RFTN1: variants seen among roughly 807,000 people sequenced by gnomAD.
The protein encoded by RFTN1 is raftlin.
In RFTN1, 26 loss-of-function variants were observed where a neutral mutation model predicts 46.5. That is an observed-to-expected ratio of 0.56 (90% CI 0.41 to 0.78). RFTN1 has a LOEUF of 0.78. Among genes scored for constraint, RFTN1 ranks in the 30% least tolerant of loss-of-function variants. The probability of loss-of-function intolerance (pLI) is 0.00; values close to 1 mark genes in which losing one functional copy is unlikely to be tolerated. For missense variants in RFTN1, 693 were observed against 718.7 expected, an observed-to-expected ratio of 0.96 and a Z score of 0.41; for synonymous variants, 261 against 284.2, an observed-to-expected ratio of 0.92 and a Z score of 0.82.
In RFTN1 at chr3:16,400,326, T is replaced by C. The variant is rs113768426; in HGVS notation, c.441+9049A>G. ...CCCACCACCTCCACCCTCCCTCCCCTGTTGACCCTCAGGTCTTGGTATGTA... is the reference window on the plus strand; with the variant it reads ...CCCACCACCTCCACCCTCCCTCCCCCGTTGACCCTCAGGTCTTGGTATGTA... On this transcript the variant is annotated intron_variant, in intron 4 of 9. Transcript: ENST00000334133. The surrounding 1 kb of genome is among the most constrained non-coding windows in gnomAD (Gnocchi z 4.5). Among the ~76,000 whole-genome samples, 3,482 of 152,212 alleles carry C rather than the reference T, an allele frequency of 0.023. 138 individuals are homozygous for C. The highest frequency in any genetic ancestry group is 0.079 in the African/African-American group (3,284 of 41,540).
rs957089258 is a variant in RFTN1, at chr3:16,407,399, C to T, written c.441+1976G>A. 6.6e-6 allele frequency among the ~76,000 whole-genome samples: 1 copy of T among 151,686 alleles called. No individual in the cohort carries two copies. Among genetic ancestry groups the T allele is most frequent in the African/African-American group, 2.4e-5 (1 of 41,262 alleles). On this transcript the variant is annotated intron_variant, in intron 4 of 9. Transcript: ENST00000334133. The surrounding 1 kb of genome is among the most constrained non-coding windows in gnomAD (Gnocchi z 4.0). ...CAGAGATGGAGGTCTCACTATGTTG[C>T]CCAGTCTAATCTCAAACTCCTGAGC...
At chr3:16,411,397 G>A (rs372634062) in intron 3 of RFTN1, among the ~76,000 whole-genome samples, 5 of 152,266 alleles carry the variant, frequency 3.3e-5, no homozygotes, top group South Asian at 4.1e-4. Context: ...CCCCAGGTGT[G>A]CAACTGTGAT....
chr3:16,343,998 G>A (rs2071480783), intron 7 of RFTN1, among the ~76,000 whole-genome samples: 1 of 152,202 alleles, frequency 6.6e-6, no homozygotes, highest in Non-Finnish European at 1.5e-5. Flanking sequence ...TCAGCAGAGA[G>A]TGAGCAACCA....
rs10560544 is a variant in RFTN1 at position 16,465,419 on chromosome 3, GACACACACACACAC to G, written c.145+28292_145+28305del. Among the ~76,000 whole-genome samples the G allele has an allele frequency of 1.4e-5, 2 of 143,294 alleles. No individual in the cohort carries two copies. The highest frequency in any genetic ancestry group is 2.6e-5 in the African/African-American group (1 of 39,168). The allele number at this position is 143,294 out of a possible 152,430, so 94.0% of individuals were successfully genotyped here. On this transcript the variant is annotated intron_variant, in intron 2 of 9. Transcript: ENST00000334133. The surrounding 1 kb of genome is among the most constrained non-coding windows in gnomAD (Gnocchi z 5.1). ...CCAACAGAGGTTGGCAGCTCAGAGGGACACACACACACACACACACACACACACACACACACCCC... is the reference window on the plus strand; with the variant it reads ...CCAACAGAGGTTGGCAGCTCAGAGGGACACACACACACACACACACACCCC...
In RFTN1 at chr3:16,424,649, C is replaced by A. The variant is rs2125476180; in HGVS notation, c.332+9202G>T. Among the ~76,000 whole-genome samples, 1 of 152,274 alleles carries A rather than the reference C, an allele frequency of 6.6e-6. No homozygotes were observed. The highest frequency in any genetic ancestry group is 2.1e-4 in the South Asian group (1 of 4,822). On this transcript the variant is annotated intron_variant, in intron 3 of 9. Transcript: ENST00000334133. The surrounding 1 kb of genome is among the most constrained non-coding windows in gnomAD (Gnocchi z 4.7). Reference sequence around the variant, plus strand: ...TGAAATGATGTATTCATATTTATAGCATATTTATCATATTTTCATATACTT... The same window carrying A: ...TGAAATGATGTATTCATATTTATAGAATATTTATCATATTTTCATATACTT...
At chr3:16,439,069 T>C (rs774543813) in intron 2 of RFTN1, among the ~76,000 whole-genome samples, 29 of 152,206 alleles carry the variant, frequency 1.9e-4, no homozygotes, top group Non-Finnish European at 4.0e-4. Flanking sequence ...ATTTTTGGTA[T>C]GCATGCTGTC....
chr3:16,486,951 T>G (rs535280833), intron 2 of RFTN1, among the ~76,000 whole-genome samples: 9 of 152,188 alleles, frequency 5.9e-5, no homozygotes, highest in Non-Finnish European at 8.8e-5. Context: ...TGTTCTCTCT[T>G]TCTCACTCTC....
At chr3:16,363,913 A>G (rs571269) in intron 6 of RFTN1, among the ~76,000 whole-genome samples, 85,532 of 152,106 alleles carry the variant, frequency 0.56, 24,343 homozygotes, top group Middle Eastern at 0.65. Flanking sequence ...TGCACATGCA[A>G]TCATATGACA....
chr3:16,388,524 C>T (rs1559315764), intron 4 of RFTN1, among the ~76,000 whole-genome samples: 3 of 152,158 alleles, frequency 2.0e-5, no homozygotes, highest in Admixed American at 1.3e-4. Flanking sequence ...TTTGCTACTC[C>T]TATCATCTTA....
chr3:16,444,845 C>T (rs958751462), intron 2 of RFTN1, among the ~76,000 whole-genome samples: 3 of 152,158 alleles, frequency 2.0e-5, no homozygotes, highest in Admixed American at 1.3e-4. Flanking sequence ...CACCATCACT[C>T]GCTGTTTTAC....
intron 4 of RFTN1, among the ~76,000 whole-genome samples, chr3:16,392,967 C>T (rs1001661159): frequency 3.3e-5 from 5 of 152,108 alleles, no homozygotes; most frequent in African/African-American, 1.2e-4. Context: ...ATTCTGAGGC[C>T]CTGCAAGCCT....
intron 4 of RFTN1, among the ~76,000 whole-genome samples, chr3:16,397,215 G>C (rs2074489730): frequency 6.6e-6 from 1 of 152,068 alleles, no homozygotes; most frequent in Admixed American, 6.5e-5. Context: ...GATAAACCTA[G>C]AGGACATTAT....
chr3:16,450,509 G>A lies in RFTN1; in HGVS notation c.146-16472C>T, dbSNP rs2075805906. ...ATGACCTGAAGTCCACCAGCATCCTGTTCAGGTTAACATGTCTCCCATGTC... is the reference window on the plus strand; with the variant it reads ...ATGACCTGAAGTCCACCAGCATCCTATTCAGGTTAACATGTCTCCCATGTC... On this transcript the variant is annotated intron_variant, in intron 2 of 9. Coordinates refer to ENST00000334133, the MANE Select transcript of RFTN1 (RefSeq NM_015150.2). This position sits in a 1 kb window ranked among gnomAD's most constrained non-coding sequence, Gnocchi z 4.6. 6.6e-6 allele frequency among the ~76,000 whole-genome samples: 1 copy of A among 152,190 alleles called. No homozygotes were observed. Among genetic ancestry groups the A allele is most frequent in the Non-Finnish European group, 1.5e-5 (1 of 68,036 alleles).
In RFTN1 at chr3:16,338,569, T is replaced by C. The variant is rs959987409; in HGVS notation, c.1147-11693A>G. On this transcript the variant is annotated intron_variant, in intron 7 of 9. Coordinates refer to ENST00000334133, the MANE Select transcript of RFTN1 (RefSeq NM_015150.2). This position sits in a 1 kb window ranked among gnomAD's most constrained non-coding sequence, Gnocchi z 5.3. The stretch of plus-strand genomic sequence containing the variant: ...CCAACTTAGAAATAGCTTTGTTTGA[T>C]AACAATTAAAAAAGAAACATTTTCT... Among the ~76,000 whole-genome samples the C allele has an allele frequency of 6.6e-6, 1 of 152,216 alleles. No homozygotes were observed. Among genetic ancestry groups the C allele is most frequent in the Non-Finnish European group, 1.5e-5 (1 of 68,034 alleles).
In RFTN1 at chr3:16,425,304, A is replaced by G. The variant is rs116695850; in HGVS notation, c.332+8547T>C. Among the ~76,000 whole-genome samples, 5 of 152,304 alleles carry G rather than the reference A, an allele frequency of 3.3e-5. No homozygotes were observed. Among genetic ancestry groups the G allele is most frequent in the Admixed American group, 1.3e-4 (2 of 15,306 alleles). On this transcript the variant is annotated intron_variant, in intron 3 of 9. Coordinates refer to ENST00000334133, the MANE Select transcript of RFTN1 (RefSeq NM_015150.2). This position sits in a 1 kb window ranked among gnomAD's most constrained non-coding sequence, Gnocchi z 4.3. Reference sequence around the variant, plus strand: ...ATTTAAAAACAAATACAGACATTTCATGGTACTGAAGTATTCACCCAAGTT... The same window carrying G: ...ATTTAAAAACAAATACAGACATTTCGTGGTACTGAAGTATTCACCCAAGTT...
At chr3:16,508,281 C>G (rs777870551) in intron 1 of RFTN1, among the ~76,000 whole-genome samples, 4 of 152,150 alleles carry the variant, frequency 2.6e-5, no homozygotes, top group African/African-American at 9.7e-5. Context: ...ATCCCTGCAC[C>G]CCGGAGGCAG....
At position 16,381,765 on chromosome 3, in the gene RFTN1, T is replaced by A. The variant is rs2074000981; in HGVS notation, c.442-3663A>T. On this transcript the variant is annotated intron_variant, in intron 4 of 9. Coordinates refer to ENST00000334133, the MANE Select transcript of RFTN1 (RefSeq NM_015150.2). This position sits in a 1 kb window ranked among gnomAD's most constrained non-coding sequence, Gnocchi z 4.2. ...AATTTCTAGAAATATTTCTGGAACATGACATGAGAAACCAAGAGGAGCCCA... is the reference window on the plus strand; with the variant it reads ...AATTTCTAGAAATATTTCTGGAACAAGACATGAGAAACCAAGAGGAGCCCA... Among the ~76,000 whole-genome samples the A allele has an allele frequency of 6.6e-6, 1 of 152,046 alleles. No homozygotes were observed. Among genetic ancestry groups the A allele is most frequent in the Non-Finnish European group, 1.5e-5 (1 of 68,016 alleles).
In RFTN1 at chr3:16,452,263, A is replaced by C. The variant is rs1318461359; in HGVS notation, c.146-18226T>G. ...TATTCATAAGAAGCCAAAGATTCTAAAGAAAACTAAAAAAAAAATAATAGC... is the reference window on the plus strand; with the variant it reads ...TATTCATAAGAAGCCAAAGATTCTACAGAAAACTAAAAAAAAAATAATAGC... On this transcript the variant is annotated intron_variant, in intron 2 of 9. Transcript: ENST00000334133. The surrounding 1 kb of genome is among the most constrained non-coding windows in gnomAD (Gnocchi z 6.3). Among the ~76,000 whole-genome samples the C allele has an allele frequency of 6.6e-6, 1 of 152,206 alleles. No homozygotes were observed. The highest frequency in any genetic ancestry group is 2.4e-5 in the African/African-American group (1 of 41,446).
chr3:16,411,962 C>A (rs529947438), intron 3 of RFTN1, among the ~76,000 whole-genome samples: 4 of 152,306 alleles, frequency 2.6e-5, no homozygotes, highest in African/African-American at 9.6e-5. Flanking sequence ...CAGATCGATT[C>A]TAGGGAATAA....
Sources: gnomAD v4.1 joint callset for allele counts (sites outside exome capture counted in the v4.1 genomes callset) on GRCh38, gnomAD v4.1.1 for gene constraint, Gnocchi (gnomAD v3.1) non-coding constraint, MANE v1.5 for transcripts, NCBI Gene and HGNC (gene_info 2026-07-23, HGNC 2026-07-21) for gene names.